Variants in USP6 observed in about 807,000 individuals in gnomAD.
USP6 encodes the protein ubiquitin carboxyl-terminal hydrolase 6.
In USP6, 128 loss-of-function variants were observed where a neutral mutation model predicts 175.7. That is an observed-to-expected ratio of 0.73 (90% confidence interval 0.63 to 0.84). The LOEUF (loss-of-function observed/expected upper bound fraction) is 0.84, where lower values mean the gene tolerates loss of function less well. Among genes scored for constraint, USP6 ranks in the 40% least tolerant of loss-of-function variants. The pLI, the probability that USP6 is intolerant of heterozygous loss-of-function variation, is 0.00. For synonymous variants in USP6, 562 were observed against 630.6 expected (o/e 0.89, Z 1.63); for missense variants, 1,498 against 1,760.3 (o/e 0.85, Z 2.67).
intron 30 of USP6, among the ~76,000 whole-genome samples, chr17:5,155,046 T>C (rs1484638638): frequency 1.3e-5 from 2 of 152,218 alleles, no homozygotes; most frequent in African/African-American, 2.4e-5. Context: ...TACTGGCATA[T>C]TTTCTGGAGA....
chr17:5,118,927 G>A (rs192176592), intron 2 of USP6, among the ~76,000 whole-genome samples: 2 of 152,284 alleles, frequency 1.3e-5, no homozygotes, highest in African/African-American at 4.8e-5. Context: ...ACATTTGATT[G>A]GTAAGAAGAC....
At position 5,173,538 on chromosome 17, in the gene USP6, T is replaced by C; in HGVS notation, c.*560T>C. The stretch of plus-strand genomic sequence containing the variant: ...TTTCCATACCCTTTCTTTTTCTTGC[T>C]TTTTGTTTTTGCCATTGTGTTTACG... On this transcript the variant is annotated 3_prime_UTR_variant, in exon 38 of 38. Transcript: ENST00000574788. The C allele has an allele frequency of 4.6e-6, 1 of 218,938 alleles. No homozygotes were observed. The allele number at this position is 218,938 out of a possible 1,614,324, so 13.6% of individuals were successfully genotyped here. A position where few individuals can be genotyped will look rare whatever the true frequency, so the allele number is the denominator to read the frequency against.
At chr17:5,125,678 GCACACACACACACACACACA>G (rs71151842) in intron 5 of USP6, 123 bp from the exon 6 acceptor site, 4 of 137,684 alleles carry the variant, frequency 2.9e-5, no homozygotes, top group South Asian at 2.3e-4. Context: ...ACACGCACAT[GCACACACACACACACACACA>G]CACACACACA....
Position 5,171,830 on chromosome 17 carries a change from T to C in USP6, c.4047+151T>C. 3.3e-6 allele frequency: 3 copies of C among 918,960 alleles called. No individual in the cohort carries two copies. The South Asian group carries it at 5.6e-5, about 17-fold the overall frequency. 56.9% of individuals were successfully genotyped at this position (918,960 alleles called of 1,614,324 possible). ...GTCAGTATTAAAGGAACAAAAGTGATATGCAGAGCAGGGAATGAAAACATG... is the reference window on the plus strand; with the variant it reads ...GTCAGTATTAAAGGAACAAAAGTGACATGCAGAGCAGGGAATGAAAACATG... On this transcript the variant is annotated intron_variant, in intron 37 of 37. Transcript: ENST00000574788.
rs1172475640 is a variant in USP6 at position 5,137,259 on chromosome 17, G to C, written c.825+73G>C. 8.9e-6 allele frequency: 14 copies of C among 1,572,280 alleles called. No individual in the cohort carries two copies. In the East Asian group the frequency reaches 2.5e-4, roughly 28 times the overall value. The stretch of plus-strand genomic sequence containing the variant: ...CAGTGCCGTGCTTCCCCAGCCCGGG[G>C]GTCTGGCTCACTCCCAGCCCACAGG... On this transcript the variant is annotated intron_variant, in intron 19 of 37. Transcript: ENST00000574788.
At position 5,145,563 on chromosome 17, in the gene USP6, G is replaced by A. The variant is rs201869236; in HGVS notation, c.2151G>A (p.Met717Ile). ...LSLPLPMDSY[M>I]DLEITVIKLD... The stretch of plus-strand genomic sequence containing the variant: ...TGCCACTACCAATGGACAGTTACAT[G>A]GACTTAGAAATAACAGGTAGGTCAC... Residue 717 changes from methionine (M) to isoleucine (I), a missense_variant, in exon 27 of 38, where the codon ATG (methionine) becomes ATA (isoleucine). Around this residue, in one of 2 missense-constraint regions of USP6, gnomAD observed 1,217 missense variants for 1,500.8 expected, o/e 0.81. Coordinates refer to ENST00000574788, the MANE Select transcript of USP6 (RefSeq NM_001304284.2). 3 of 1,596,280 alleles carry A rather than the reference G, an allele frequency of 1.9e-6. No individual in the cohort carries two copies. The highest frequency in any genetic ancestry group is 3.5e-5 in the Admixed American group (2 of 56,402).
chr17:5,166,815 T>C lies in USP6; in HGVS notation c.3037-1117T>C, dbSNP rs2074105366. Among the ~76,000 whole-genome samples, 3 of 151,808 alleles carry C rather than the reference T, an allele frequency of 2.0e-5. No homozygotes were observed. In the South Asian group the frequency reaches 6.2e-4, roughly 32 times the overall value. ...GCTGCATTCTAGATCCTTCCTTCTC[T>C]CCTTCTTCATTCTACACCACCCCCA... On this transcript the variant is annotated intron_variant, in intron 33 of 37. Transcript: ENST00000574788.
At chr17:5,153,514 G>A (rs575775865) in intron 30 of USP6, among the ~76,000 whole-genome samples, 3 of 152,092 alleles carry the variant, frequency 2.0e-5, no homozygotes, top group Non-Finnish European at 4.4e-5. Flanking sequence ...TTGAACTCCC[G>A]ACCTCAGGTG....
intron 1 of USP6, among the ~76,000 whole-genome samples, chr17:5,117,333 T>C (rs892300161): frequency 6.6e-6 from 1 of 151,986 alleles, no homozygotes; most frequent in African/African-American, 2.4e-5. Flanking sequence ...CTGACCAACA[T>C]GGTGAAACCC....
In USP6 at chr17:5,139,063, A is replaced by C. The variant is rs773346198; in HGVS notation, c.1079-192A>C. 8 of 1,589,480 alleles carry C rather than the reference A, an allele frequency of 5.0e-6. No homozygotes were observed. The South Asian group carries it at 8.9e-5, about 18-fold the overall frequency. ...CCCAGGAGCCACCCACCATGCCCCA[A>C]CGGCTTCCCCATGCCAGGCAGCACA... On this transcript the variant is annotated intron_variant, in intron 21 of 37. Transcript: ENST00000574788.
chr17:5,146,806 G>A (rs554576301), intron 28 of USP6, among the ~76,000 whole-genome samples: 1 of 152,246 alleles, frequency 6.6e-6, no homozygotes, highest in East Asian at 1.9e-4. Flanking sequence ...CTGAGGGTTG[G>A]AATTTAGATC....
At chr17:5,145,982 A>G in intron 27 of USP6, 41 bp from the exon 28 acceptor site, 1 of 1,539,536 alleles carries the variant, frequency 6.5e-7, no homozygotes, top group Non-Finnish European at 8.8e-7. Context: ...CTTTCAATGA[A>G]ACCTGCATTT....
At chr17:5,164,345 G>A (rs1418522208) in intron 33 of USP6, among the ~76,000 whole-genome samples, 1 of 152,230 alleles carries the variant, frequency 6.6e-6, no homozygotes, top group African/African-American at 2.4e-5. Context: ...GTGGATACTT[G>A]TCAAATGAAA....
chr17:5,165,810 G>A (rs1018732463), intron 33 of USP6, among the ~76,000 whole-genome samples: 7 of 152,070 alleles, frequency 4.6e-5, no homozygotes, highest in African/African-American at 1.7e-4. Context: ...AAGAGGTAAA[G>A]GGAATCTTTA....
chr17:5,123,649 C>T (rs1200478694), intron 4 of USP6, among the ~76,000 whole-genome samples: 1 of 152,166 alleles, frequency 6.6e-6, no homozygotes, highest in Non-Finnish European at 1.5e-5. Flanking sequence ...GACAGGGACC[C>T]GCAGAACGCA....
intron 18 of USP6, 146 bp downstream of exon 18, chr17:5,136,880 T>G: frequency 7.3e-7 from 1 of 1,374,094 alleles, no homozygotes; most frequent in African/African-American, 1.4e-5. Flanking sequence ...CTCCATGGGC[T>G]GGGAGTTGGT....
In USP6 at chr17:5,132,442, G is replaced by A. The variant is rs111991002; in HGVS notation, c.195+7G>A. On this transcript the variant is annotated splice_region_variant and intron_variant, in intron 12 of 37. Coordinates refer to ENST00000574788, the MANE Select transcript of USP6 (RefSeq NM_001304284.2). The surrounding 1 kb of genome is among the most constrained non-coding windows in gnomAD (Gnocchi z 4.7). ...GACTGCACGGGAGGCGAAGGTAAGA[G>A]CCTGATGCGTGGAGGGGCTGGTCCA... is the stretch of plus-strand genomic sequence containing the variant. The A allele has an allele frequency of 6.2e-7, 1 of 1,612,146 alleles. No individual in the cohort carries two copies. The highest frequency in any genetic ancestry group is 8.5e-7 in the Non-Finnish European group (1 of 1,179,854).
chr17:5,126,145 C>T (rs1199893223), intron 6 of USP6, among the ~76,000 whole-genome samples: 1 of 152,162 alleles, frequency 6.6e-6, no homozygotes, highest in African/African-American at 2.4e-5. Context: ...GCGCAAGTGC[C>T]TTCTCCGTAG....
chr17:5,123,045 G>T (rs2072747651), intron 4 of USP6: 1 of 153,514 alleles, frequency 6.5e-6, no homozygotes, highest in South Asian at 1.8e-4. Flanking sequence ...GGCTGCGCAG[G>T]GCTGGACCTG....
Sources: gnomAD v4.1 joint callset for allele counts (sites outside exome capture counted in the v4.1 genomes callset) on GRCh38, gnomAD v4.1.1 for gene constraint, gnomAD v4.1.1 regional missense constraint, Gnocchi (gnomAD v3.1) non-coding constraint, MANE v1.5 for transcripts, NCBI Gene and HGNC (gene_info 2026-07-23, HGNC 2026-07-21) for gene names.